The following PAX3 variants were observed in gnomAD, a reference collection of about 807,000 sequenced individuals.
The protein encoded by PAX3 is paired box 3, also known as paired box protein Pax-3.
In PAX3, 14 loss-of-function variants were observed where a neutral mutation model predicts 51.6. The ratio of observed to expected loss-of-function variants is 0.27; its 90% CI spans 0.18 to 0.42. The LOEUF is 0.42. Among genes scored for constraint, PAX3 ranks in the 10% least tolerant of loss-of-function variants. The pLI is 1.00. For missense variants in PAX3, 540 were observed against 642.8 expected (o/e 0.84, Z 1.73); for synonymous variants, 280 against 253.4 (o/e 1.11, Z -1.00).
intron 4 of PAX3, among the ~76,000 whole-genome samples, chr2:222,250,233 G>A (rs532739273): frequency 6.6e-6 from 1 of 152,208 alleles, no homozygotes; most frequent in Admixed American, 6.5e-5. Flanking sequence ...TATTATGAAT[G>A]TATCTTCTGT....
chr2:222,225,155 G>A (rs2106082076), intron 5 of PAX3, among the ~76,000 whole-genome samples: 1 of 152,230 alleles, frequency 6.6e-6, no homozygotes, highest in African/African-American at 2.4e-5. Flanking sequence ...GTCTATCATT[G>A]CATGTATAAT....
intron 4 of PAX3, among the ~76,000 whole-genome samples, chr2:222,257,420 G>A (rs1693687631): frequency 6.6e-6 from 1 of 152,112 alleles, no homozygotes; most frequent in Non-Finnish European, 1.5e-5. Context: ...TACCCCAGCA[G>A]CTACAAAAAA....
At chr2:222,244,237 T>C (rs1053683934) in intron 4 of PAX3, among the ~76,000 whole-genome samples, 3 of 152,200 alleles carry the variant, frequency 2.0e-5, no homozygotes, top group Non-Finnish European at 4.4e-5. Flanking sequence ...GCCATTGAAC[T>C]TAGAAGAGGT....
At chr2:222,228,640 A>G (rs557420349) in intron 5 of PAX3, among the ~76,000 whole-genome samples, 2 of 152,090 alleles carry the variant, frequency 1.3e-5, no homozygotes, top group South Asian at 2.1e-4. Context: ...TACTCGGCCT[A>G]TTTTAAAAAT....
intron 4 of PAX3, chr2:222,242,791 T>C (rs956369579): frequency 7.2e-5 from 11 of 152,230 alleles, no homozygotes; most frequent in Non-Finnish European, 1.5e-4. Context: ...AAGAAAGAAC[T>C]CTGCTTATGA....
At chr2:222,250,232 T>C (rs897775437) in intron 4 of PAX3, among the ~76,000 whole-genome samples, 9 of 152,154 alleles carry the variant, frequency 5.9e-5, no homozygotes, top group Non-Finnish European at 7.4e-5. Context: ...CTATTATGAA[T>C]GTATCTTCTG....
intron 4 of PAX3, among the ~76,000 whole-genome samples, chr2:222,290,542 A>G (rs930037284): frequency 2.0e-5 from 3 of 152,142 alleles, no homozygotes; most frequent in Non-Finnish European, 2.9e-5. Flanking sequence ...CCAGTCCCCA[A>G]TCAAAACATC....
chr2:222,277,505 C>T (rs554522814), intron 4 of PAX3, among the ~76,000 whole-genome samples: 1 of 152,198 alleles, frequency 6.6e-6, no homozygotes, highest in Admixed American at 6.5e-5. Flanking sequence ...ACAAATCAAG[C>T]CTGAGTGCCC....
rs1202711141 is a variant in PAX3, at chr2:222,271,736, G to T, written c.586+22431C>A. 1.3e-5 allele frequency among the ~76,000 whole-genome samples: 2 copies of T among 152,138 alleles called. 1 individual carries two copies. Among genetic ancestry groups the T allele is most frequent in the South Asian group, 4.1e-4 (2 of 4,826 alleles). ...ATGTAATTCTCAATAAAGCTGAGGG[G>T]TATTTGATACCCAAGTAAAATTTAT... On this transcript the variant is annotated intron_variant, in intron 4 of 8. Transcript: ENST00000392070.
chr2:222,220,107 A>C, intron 7 of PAX3, 33 bp downstream of exon 7: 1 of 1,579,766 alleles, frequency 6.3e-7, no homozygotes. Context: ...TCTGGTATAC[A>C]GCAAATCGTC....
rs1031343525 is a variant in PAX3, at chr2:222,297,146, C to T, written c.153G>A (p.Leu51=). The T allele has an allele frequency of 1.2e-6, 2 of 1,606,156 alleles. No homozygotes were observed. The highest frequency in any genetic ancestry group is 8.5e-7 in the Non-Finnish European group (1 of 1,177,062). Residue 51 remains leucine, a synonymous_variant, in exon 2 of 9, where the codon CTG becomes CTA. Transcript: ENST00000392070. The part of the protein sequence containing the change: ...LGGVFINGRP[L]PNHIRHKIVE... ...CGATCTTGTGGCGGATGTGGTTGGG[C>T]AGCGGCCTGCCGTTGATAAAAACAC...
chr2:222,205,705 A>G (rs1033100442), intron 7 of PAX3, among the ~76,000 whole-genome samples: 3 of 152,232 alleles, frequency 2.0e-5, no homozygotes, highest in Non-Finnish European at 4.4e-5. Context: ...ACTGTTTTAC[A>G]GTTTTTAAAA....
intron 5 of PAX3, among the ~76,000 whole-genome samples, chr2:222,225,328 A>C (rs1469531762): frequency 6.6e-6 from 1 of 152,158 alleles, no homozygotes; most frequent in Non-Finnish European, 1.5e-5. Context: ...CTTTACATGC[A>C]TTTCTCTAGT....
At chr2:222,293,839 G>A (rs1212426571) in intron 4 of PAX3, 2 of 1,613,280 alleles carry the variant, frequency 1.2e-6, no homozygotes, top group African/African-American at 1.3e-5. Flanking sequence ...GAGATGCCCA[G>A]TCTCATACAT....
chr2:222,296,602 A>G (rs990084165), intron 2 of PAX3, among the ~76,000 whole-genome samples: 2 of 152,218 alleles, frequency 1.3e-5, no homozygotes, highest in Non-Finnish European at 2.9e-5. Context: ...TTCGTTTTGG[A>G]AAGGACGGTG....
At chr2:222,205,742 C>A (rs1463332588) in intron 7 of PAX3, among the ~76,000 whole-genome samples, 1 of 152,090 alleles carries the variant, frequency 6.6e-6, no homozygotes, top group Non-Finnish European at 1.5e-5. Flanking sequence ...GGAGTGAGGA[C>A]ATCAATAGAA....
intron 7 of PAX3, among the ~76,000 whole-genome samples, chr2:222,207,921 G>A (rs1227602543): frequency 2.0e-5 from 3 of 151,648 alleles, no homozygotes; most frequent in Admixed American, 6.6e-5. Flanking sequence ...GATTTTGTAT[G>A]ATATAAAGGG....
intron 2 of PAX3, 39 bp from the exon 3 acceptor site, chr2:222,295,696 C>T: frequency 6.2e-7 from 1 of 1,613,194 alleles, no homozygotes; most frequent in South Asian, 1.1e-5. Context: ...GTACCCGGTA[C>T]CCTGGGCCAG....
At chr2:222,247,769 T>C (rs1693281597) in intron 4 of PAX3, among the ~76,000 whole-genome samples, 1 of 152,154 alleles carries the variant, frequency 6.6e-6, no homozygotes, top group Non-Finnish European at 1.5e-5. Context: ...GGACTCATAA[T>C]TGGGCCCAGA....
Sources: allele counts gnomAD v4.1 joint callset (sites outside exome capture counted in the v4.1 genomes callset), GRCh38; gene constraint gnomAD v4.1.1; transcripts MANE v1.5; gene names NCBI Gene and HGNC (gene_info 2026-07-23, HGNC 2026-07-21).